POLD1: variants seen among roughly 807,000 people sequenced by gnomAD.
POLD1 encodes the protein DNA polymerase delta 1, catalytic subunit.
POLD1 carries 79 observed loss-of-function variants against 129.7 expected under a neutral mutation model. The ratio of observed to expected loss-of-function variants is 0.61; its 90% confidence interval spans 0.51 to 0.73. The LOEUF is 0.73. Among genes scored for constraint, POLD1 ranks in the 30% least tolerant of loss-of-function variants. The probability of loss-of-function intolerance (pLI) is 0.00; values close to 1 mark genes in which losing one functional copy is unlikely to be tolerated. For missense variants in POLD1, 1,338 were observed against 1,595.8 expected, an observed-to-expected ratio of 0.84 and a Z score of 2.75; for synonymous variants, 714 against 683.3, an observed-to-expected ratio of 1.04 and a Z score of -0.70.
In POLD1 at chr19:50,407,108, C is replaced by T. The variant is rs140216790; in HGVS notation, c.1620C>T (p.Gly540=). The change falls in exon 13 of 27, where the codon GGC becomes GGT. Residue 540 remains glycine (G), a synonymous_variant. Coordinates refer to ENST00000440232, the MANE Select transcript of POLD1 (RefSeq NM_002691.4). The part of the protein sequence containing the change: ...VNAVEMARVT[G]VPLSYLLSRG... ...CCGTGGAGATGGCGAGGGTCACTGG[C>T]GTGCCCCTCAGCTACCTGCTCAGTC... The T allele has an allele frequency of 1.4e-3, 2,201 of 1,613,324 alleles. 3 individuals carry two copies. Among genetic ancestry groups the T allele is most frequent in the Non-Finnish European group, 1.7e-3 (2,049 of 1,179,838 alleles).
chr19:50,417,603 C>T (rs1229840679), intron 26 of POLD1, among the ~76,000 whole-genome samples: 1 of 152,006 alleles, frequency 6.6e-6, no homozygotes, highest in Non-Finnish European at 1.5e-5. Context: ...TGGGTTCCCA[C>T]GCCAGGTGAC....
chr19:50,398,165 AT>A (rs2038440513), intron 1 of POLD1, among the ~76,000 whole-genome samples: 1 of 152,106 alleles, frequency 6.6e-6, no homozygotes, highest in Admixed American at 6.6e-5. Flanking sequence ...ATTTCAAAGT[AT>A]TTAGGTTGGT....
intron 13 of POLD1, 32 bp downstream of exon 13, chr19:50,407,206 C>G: frequency 6.3e-7 from 1 of 1,581,602 alleles, no homozygotes; most frequent in African/African-American, 1.3e-5. Context: ...TCGCCACCCC[C>G]CACCAGGCAC....
At chr19:50,404,645 C>T (rs1271782254) in intron 10 of POLD1, among the ~76,000 whole-genome samples, 6 of 133,714 alleles carry the variant, frequency 4.5e-5, no homozygotes, top group South Asian at 2.3e-4. Context: ...ATGGCACGAT[C>T]GAGGCTCACT....
At chr19:50,394,417 C>T (rs1013612169) in intron 1 of POLD1, among the ~76,000 whole-genome samples, 4 of 151,984 alleles carry the variant, frequency 2.6e-5, no homozygotes, top group Non-Finnish European at 5.9e-5. Context: ...TTTGGGAGGC[C>T]GAGGCGGGCG....
intron 25 of POLD1, 32 bp from the exon 26 acceptor site, chr19:50,417,140 G>C (rs2039332902): frequency 6.4e-7 from 1 of 1,574,454 alleles, no homozygotes; most frequent in Non-Finnish European, 8.6e-7. Context: ...TGGGGAGGCG[G>C]GGGCGCCCTG....
chr19:50,400,211 ATTTTTT>A (rs549820323), intron 3 of POLD1, among the ~76,000 whole-genome samples: 2 of 67,824 alleles, frequency 2.9e-5, no homozygotes, highest in Admixed American at 1.8e-4. Context: ...CTGGCCAATA[ATTTTTT>A]TTTTTTTTTT....
At chr19:50,393,742 C>G (rs2038247174) in intron 1 of POLD1, among the ~76,000 whole-genome samples, 1 of 152,128 alleles carries the variant, frequency 6.6e-6, no homozygotes, top group Admixed American at 6.6e-5. Context: ...TTACCTCTGT[C>G]TAGTTTCAAA....
intron 3 of POLD1, among the ~76,000 whole-genome samples, chr19:50,400,945 C>T (rs1207708624): frequency 6.6e-6 from 1 of 151,708 alleles, no homozygotes; most frequent in Non-Finnish European, 1.5e-5. Context: ...ATCCGCCCGC[C>T]TCAGCCTCCC....
intron 14 of POLD1, among the ~76,000 whole-genome samples, chr19:50,407,874 A>C (rs1222138143): frequency 6.6e-6 from 1 of 150,614 alleles, no homozygotes; most frequent in Non-Finnish European, 1.5e-5. Flanking sequence ...GCCCGGCCGA[A>C]AAAATTTTTA....
rs1302716089 is a variant in POLD1 at position 50,406,500 on chromosome 19, A to G, written c.1477A>G (p.Ile493Val). Residue 493 changes from isoleucine (I) to valine (V), a missense_variant, in exon 12 of 27, where the codon ATC (isoleucine) becomes GTC (valine). Around this residue, in one of 3 missense-constraint regions of POLD1, gnomAD observed 720 missense variants for 1,002.6 expected, o/e 0.72. Coordinates refer to ENST00000440232, the MANE Select transcript of POLD1 (RefSeq NM_002691.4). This position sits in a 1 kb window ranked among gnomAD's most constrained non-coding sequence, Gnocchi z 5.5. ...GCAGAAGGAGGACGTGCAGCACAGC[A>G]TCATCACCGACCTGCAGGTGCCTGC... ...GEQKEDVQHS[I>V]ITDLQNGNDQ... is the part of the protein sequence containing the mutation. 1.9e-6 allele frequency: 3 copies of G among 1,587,366 alleles called. No individual in the cohort carries two copies. In the South Asian group the frequency reaches 3.4e-5, roughly 18 times the overall value.
intron 1 of POLD1, among the ~76,000 whole-genome samples, chr19:50,386,266 T>C (rs1283432030): frequency 2.0e-5 from 3 of 151,876 alleles, no homozygotes. Flanking sequence ...GGCTTCCGAG[T>C]AGCTGGGATT....
chr19:50,387,394 T>C (rs1172782935), intron 1 of POLD1, among the ~76,000 whole-genome samples: 1 of 152,148 alleles, frequency 6.6e-6, no homozygotes, highest in Admixed American at 6.5e-5. Flanking sequence ...AGCGAGCACG[T>C]GGTGTCATTT....
At chr19:50,408,227 C>T (rs1034915826) in intron 14 of POLD1, among the ~76,000 whole-genome samples, 4 of 151,154 alleles carry the variant, frequency 2.6e-5, no homozygotes, top group African/African-American at 9.7e-5. Flanking sequence ...GCCAGCTACT[C>T]GGGAGGCTGA....
intron 19 of POLD1, among the ~76,000 whole-genome samples, chr19:50,414,534 G>T (rs554099331): frequency 6.6e-6 from 1 of 152,224 alleles, no homozygotes; most frequent in East Asian, 1.9e-4. Flanking sequence ...ATGCTTCATC[G>T]ACTCGCCTGT....
At chr19:50,404,118 C>G (rs932729071) in intron 10 of POLD1, among the ~76,000 whole-genome samples, 33 of 152,138 alleles carry the variant, frequency 2.2e-4, no homozygotes, top group Non-Finnish European at 4.0e-4. Context: ...AGTCCATGAC[C>G]AAAGTGTCAG....
chr19:50,391,137 CG>C (rs955818206), intron 1 of POLD1, among the ~76,000 whole-genome samples: 1 of 150,638 alleles, frequency 6.6e-6, no homozygotes, highest in African/African-American at 2.5e-5. Flanking sequence ...ACATCCCAGA[CG>C]GGGCGTCGGG....
chr19:50,384,919 G>T (rs1387352757), intron 1 of POLD1, among the ~76,000 whole-genome samples: 1 of 152,158 alleles, frequency 6.6e-6, no homozygotes, highest in Non-Finnish European at 1.5e-5. Context: ...GTCCAGAATC[G>T]ACCGCTCTGG....
Position 50,406,481 on chromosome 19 carries a change from G to A in POLD1, c.1458G>A (p.Lys486=). ...GCTTCCACTTCCTGGGCGAGCAGAA[G>A]GAGGACGTGCAGCACAGCATCATCA... ...AVSFHFLGEQ[K]EDVQHSIITD... The change falls in exon 12 of 27, where the codon AAG becomes AAA. Residue 486 remains lysine (K), a synonymous_variant. Coordinates refer to ENST00000440232, the MANE Select transcript of POLD1 (RefSeq NM_002691.4). The surrounding 1 kb of genome is among the most constrained non-coding windows in gnomAD (Gnocchi z 5.5). The A allele has an allele frequency of 6.3e-7, 1 of 1,595,224 alleles. No individual in the cohort carries two copies. The highest frequency in any genetic ancestry group is 8.5e-7 in the Non-Finnish European group (1 of 1,170,498).
Sources: allele counts gnomAD v4.1 joint callset (sites outside exome capture counted in the v4.1 genomes callset), GRCh38; gene constraint gnomAD v4.1.1; regional missense constraint gnomAD v4.1.1; non-coding constraint Gnocchi (gnomAD v3.1); transcripts MANE v1.5; gene names NCBI Gene and HGNC (gene_info 2026-07-23, HGNC 2026-07-21).